Variants in RBFOX1 observed in about 807,000 individuals in gnomAD.
RBFOX1 encodes the protein RNA binding fox-1 homolog 1.
RBFOX1 carries 8 observed loss-of-function variants against 57.7 expected under a neutral mutation model. That is an observed-to-expected ratio of 0.14 (90% confidence interval 0.08 to 0.25). RBFOX1 has a LOEUF of 0.25. RBFOX1 is among the 10% of genes least tolerant of loss of function. The pLI, the probability that RBFOX1 is intolerant of heterozygous loss-of-function variation, is 1.00. For missense variants in RBFOX1, 611 were observed against 548.5 expected, an observed-to-expected ratio of 1.11 and a Z score of -1.14; for synonymous variants, 326 against 222.4, an observed-to-expected ratio of 1.47 and a Z score of -4.15.
chr16:5,681,448 G>A (rs189195555), intron 3 of RBFOX1, among the ~76,000 whole-genome samples: 1 of 149,734 alleles, frequency 6.7e-6, no homozygotes, highest in Non-Finnish European at 1.5e-5. Context: ...GAGTGCAATG[G>A]TGTGATCTCA....
chr16:5,949,646 G>C (rs1377592143), intron 4 of RBFOX1, among the ~76,000 whole-genome samples: 1 of 151,588 alleles, frequency 6.6e-6, no homozygotes, highest in Non-Finnish European at 1.5e-5. Context: ...TTTTCTTGTT[G>C]GTCTTTTACA....
chr16:7,627,499 G>C (rs184650843), intron 10 of RBFOX1, among the ~76,000 whole-genome samples: 3 of 152,324 alleles, frequency 2.0e-5, no homozygotes. Flanking sequence ...ACAAATGAAG[G>C]TTCCTGGCAT....
At chr16:7,369,795 G>C (rs998381994) in intron 4 of RBFOX1, among the ~76,000 whole-genome samples, 1 of 152,128 alleles carries the variant, frequency 6.6e-6, no homozygotes, top group African/African-American at 2.4e-5. Flanking sequence ...AATAATAATT[G>C]CAGTGATCAT....
chr16:5,335,931 G>T (rs2064885220), intron 1 of RBFOX1, among the ~76,000 whole-genome samples: 1 of 152,194 alleles, frequency 6.6e-6, no homozygotes, highest in Non-Finnish European at 1.5e-5. Context: ...CAGGTACTGG[G>T]TCAAGCATTT....
chr16:6,831,817 G>A (rs767313808), intron 3 of RBFOX1, among the ~76,000 whole-genome samples: 1 of 152,154 alleles, frequency 6.6e-6, no homozygotes, highest in Non-Finnish European at 1.5e-5. Context: ...CCCAGCACTT[G>A]GGGAATTTTT....
intron 3 of RBFOX1, among the ~76,000 whole-genome samples, chr16:6,780,698 G>T (rs1322382516): frequency 3.3e-5 from 5 of 149,948 alleles, no homozygotes; most frequent in African/African-American, 1.2e-4. Context: ...TTTAACTGGG[G>T]TGAGATATTT....
intron 1 of RBFOX1, among the ~76,000 whole-genome samples, chr16:5,364,601 C>A (rs34294205): frequency 1.3e-5 from 2 of 152,076 alleles, no homozygotes; most frequent in African/African-American, 2.4e-5. Context: ...AAATCTCTCC[C>A]TAATGAATTT....
chr16:7,257,010 C>T (rs528616577), intron 4 of RBFOX1, among the ~76,000 whole-genome samples: 1 of 152,270 alleles, frequency 6.6e-6, no homozygotes, highest in South Asian at 2.1e-4. Context: ...CCTGTCTCCT[C>T]TCCCCCTCTG....
chr16:6,898,600 A>C (rs1338774291), intron 3 of RBFOX1, among the ~76,000 whole-genome samples: 1 of 152,188 alleles, frequency 6.6e-6, no homozygotes, highest in Non-Finnish European at 1.5e-5. Flanking sequence ...TGGGAGTAAC[A>C]TAAAAGGAAG....
intron 2 of RBFOX1, among the ~76,000 whole-genome samples, chr16:6,355,715 C>A (rs969850752): frequency 2.0e-5 from 3 of 152,184 alleles, no homozygotes; most frequent in African/African-American, 7.2e-5. Flanking sequence ...ACCACACTGT[C>A]TTCCACAATG....
intron 1 of RBFOX1, among the ~76,000 whole-genome samples, chr16:5,302,778 A>G (rs1211629044): frequency 6.6e-6 from 1 of 152,224 alleles, no homozygotes; most frequent in Non-Finnish European, 1.5e-5. Flanking sequence ...CATGGTATCT[A>G]AAAAGTGTTT....
At chr16:6,932,989 T>G (rs184389011) in intron 3 of RBFOX1, among the ~76,000 whole-genome samples, 102 of 152,344 alleles carry the variant, frequency 6.7e-4, no homozygotes, top group South Asian at 1.2e-3. Context: ...GTGGAATCAT[T>G]CAGTATTTGT....
chr16:5,685,788 A>T (rs1392229209), intron 3 of RBFOX1, among the ~76,000 whole-genome samples: 1 of 152,222 alleles, frequency 6.6e-6, no homozygotes, highest in Non-Finnish European at 1.5e-5. Context: ...ACAAGTTGGC[A>T]GACAGAACCT....
intron 3 of RBFOX1, among the ~76,000 whole-genome samples, chr16:7,046,702 T>C (rs936927959): frequency 6.7e-6 from 1 of 148,290 alleles, no homozygotes; most frequent in Non-Finnish European, 1.5e-5. Context: ...GTCTCCTGGG[T>C]TCAAACGATT....
At chr16:6,437,408 C>A (rs975204360) in intron 2 of RBFOX1, among the ~76,000 whole-genome samples, 2 of 152,166 alleles carry the variant, frequency 1.3e-5, no homozygotes, top group African/African-American at 4.8e-5. Flanking sequence ...CTTTTATTTT[C>A]TTTTCCCTTG....
intron 1 of RBFOX1, among the ~76,000 whole-genome samples, chr16:6,098,270 GGC>G (rs554045921): frequency 3.3e-5 from 5 of 152,174 alleles, no homozygotes; most frequent in Non-Finnish European, 7.4e-5. Flanking sequence ...GGCTGTGACA[GGC>G]CCAAGGTCAC....
At chr16:7,366,185 T>A (rs2097442697) in intron 4 of RBFOX1, among the ~76,000 whole-genome samples, 1 of 152,226 alleles carries the variant, frequency 6.6e-6, no homozygotes, top group African/African-American at 2.4e-5. Context: ...AGGATGATTT[T>A]AAGCCAGGCT....
chr16:7,175,504 C>T (rs4630565), intron 4 of RBFOX1, among the ~76,000 whole-genome samples: 73,035 of 151,842 alleles, frequency 0.48, 19,359 homozygotes, highest in African/African-American at 0.73. Context: ...GCTGCCTGGT[C>T]ATACTCATTG....
intron 3 of RBFOX1, among the ~76,000 whole-genome samples, chr16:6,925,080 T>G (rs999509664): frequency 6.7e-5 from 10 of 148,544 alleles, no homozygotes; most frequent in Admixed American, 2.0e-4. Flanking sequence ...CTTAATCCAG[T>G]CTATCGTTGT....
Sources: gnomAD v4.1 joint callset for allele counts (sites outside exome capture counted in the v4.1 genomes callset) on GRCh38, gnomAD v4.1.1 for gene constraint, MANE v1.5 for transcripts, NCBI Gene and HGNC (gene_info 2026-07-23, HGNC 2026-07-21) for gene names.